The following ABLIM2 variants were observed in gnomAD, a reference collection of about 807,000 sequenced individuals.
The protein encoded by ABLIM2 is actin-binding LIM protein 2.
Under a neutral mutation model 97.7 loss-of-function variants are expected in ABLIM2, and 53 were observed. The ratio of observed to expected loss-of-function variants is 0.54; its 90% CI spans 0.44 to 0.68. The LOEUF is 0.68. Ranked by LOEUF, ABLIM2 falls within the 30% of genes least tolerant of loss-of-function variation. The probability of loss-of-function intolerance (pLI) is 0.00; values close to 1 mark genes in which losing one functional copy is unlikely to be tolerated. For missense variants in ABLIM2, 835 were observed against 867.2 expected (o/e 0.96, Z 0.47); for synonymous variants, 361 against 345.8 (o/e 1.04, Z -0.49).
chr4:8,000,126 G>A (rs1756070011), intron 16 of ABLIM2, among the ~76,000 whole-genome samples: 1 of 152,142 alleles, frequency 6.6e-6, no homozygotes, highest in Non-Finnish European at 1.5e-5. Context: ...CCCTCTCTGA[G>A]TCTTGGTGTC....
At position 8,001,423 on chromosome 4, in the gene ABLIM2, C is replaced by T. The variant is rs1578318657; in HGVS notation, c.1618+6636G>A. Among the ~76,000 whole-genome samples, 1 of 152,242 alleles carries T rather than the reference C, an allele frequency of 6.6e-6. No individual in the cohort carries two copies. On this transcript the variant is annotated intron_variant, in intron 16 of 20. Transcript: ENST00000447017. The surrounding 1 kb of genome is among the most constrained non-coding windows in gnomAD (Gnocchi z 4.2). ...CGGCTGAAGGCTAGTCCCCAGGCAA[C>T]CCAACGGCAGCGGCTGCTCCCTGGG...
intron 8 of ABLIM2, among the ~76,000 whole-genome samples, chr4:8,051,690 G>A (rs142739868): frequency 1.4e-3 from 213 of 152,288 alleles, no homozygotes; most frequent in Non-Finnish European, 2.4e-3. Flanking sequence ...ATATGCAAAT[G>A]CAGGCCACTA....
intron 20 of ABLIM2, among the ~76,000 whole-genome samples, chr4:7,978,630 C>T (rs1040387808): frequency 4.6e-5 from 7 of 152,252 alleles, no homozygotes; most frequent in African/African-American, 1.2e-4. Flanking sequence ...AGAGGGGACA[C>T]GCCCTTTGAG....
At chr4:8,020,085 G>T in intron 13 of ABLIM2, 117 bp downstream of exon 13, 1 of 879,240 alleles carries the variant, frequency 1.1e-6, no homozygotes, top group Non-Finnish European at 1.8e-6. Context: ...CAGTGGAGGA[G>T]CCTGGAGTGT....
chr4:8,016,872 G>A (rs1180895558), intron 14 of ABLIM2, among the ~76,000 whole-genome samples: 1 of 152,214 alleles, frequency 6.6e-6, no homozygotes, highest in African/African-American at 2.4e-5. Context: ...TATGTGAAAC[G>A]CTTTTGCTAA....
intron 9 of ABLIM2, among the ~76,000 whole-genome samples, chr4:8,039,296 C>G (rs1314822196): frequency 2.0e-5 from 3 of 152,212 alleles, no homozygotes; most frequent in Non-Finnish European, 4.4e-5. Context: ...TCACAGCATT[C>G]ACCTGTCCAG....
chr4:8,085,659 C>T lies in ABLIM2; in HGVS notation c.454+2510G>A, dbSNP rs1485497206. 6.6e-6 allele frequency among the ~76,000 whole-genome samples: 1 copy of T among 150,628 alleles called. No homozygotes were observed. The highest frequency in any genetic ancestry group is 2.1e-4 in the South Asian group (1 of 4,752). On this transcript the variant is annotated intron_variant, in intron 4 of 20. Coordinates refer to ENST00000447017, the MANE Select transcript of ABLIM2 (RefSeq NM_001130083.2). This position sits in a 1 kb window ranked among gnomAD's most constrained non-coding sequence, Gnocchi z 6.1. ...TCACGCAGGTCTGGGGGTGCCCACGCTGCAGCCCCGTCCACTCACGTGGGT... is the reference window on the plus strand; with the variant it reads ...TCACGCAGGTCTGGGGGTGCCCACGTTGCAGCCCCGTCCACTCACGTGGGT...
At position 8,061,144 on chromosome 4, in the gene ABLIM2, A is replaced by T. The variant is rs6853901; in HGVS notation, c.676-90T>A. ...CCCGGCATGGATACAGCATGCCCTG[A>T]GCACAGGTACTCAGGGGATACTGGA... On this transcript the variant is annotated intron_variant, in intron 6 of 20. Coordinates refer to ENST00000447017, the MANE Select transcript of ABLIM2 (RefSeq NM_001130083.2). This position sits in a 1 kb window ranked among gnomAD's most constrained non-coding sequence, Gnocchi z 4.5. 5.7e-4 allele frequency: 630 copies of T among 1,114,464 alleles called. 3 individuals are homozygous for T. The African/African-American group carries it at 8.1e-3, about 14-fold the overall frequency. The allele number at this position is 1,114,464 out of a possible 1,614,324, so 69.0% of individuals were successfully genotyped here. A position where few individuals can be genotyped will look rare whatever the true frequency, so the allele number is the denominator to read the frequency against.
In ABLIM2 at chr4:8,128,772, A is replaced by T. The variant is rs1020158379; in HGVS notation, c.11-22135T>A. Among the ~76,000 whole-genome samples the T allele has an allele frequency of 6.6e-6, 1 of 152,120 alleles. No individual in the cohort carries two copies. Among genetic ancestry groups the T allele is most frequent in the Non-Finnish European group, 1.5e-5 (1 of 68,022 alleles). On this transcript the variant is annotated intron_variant, in intron 1 of 20. Coordinates refer to ENST00000447017, the MANE Select transcript of ABLIM2 (RefSeq NM_001130083.2). This position sits in a 1 kb window ranked among gnomAD's most constrained non-coding sequence, Gnocchi z 4.9. The stretch of plus-strand genomic sequence containing the variant: ...GGGAGGAATTAGGTCTTGCAGGTGG[A>T]GCCCTCATCATGGGATGAGTGCCCT...
Position 8,003,597 on chromosome 4 carries a change from G to A in ABLIM2, c.1618+4462C>T, listed in dbSNP as rs576682857. On this transcript the variant is annotated intron_variant, in intron 16 of 20. Transcript: ENST00000447017. The surrounding 1 kb of genome is among the most constrained non-coding windows in gnomAD (Gnocchi z 4.2). ...TTTTTTTTTTTGGAGATGGAGTCTC[G>A]CTCTGTCGCCCAGGCTGGAGTGCAA... 9.5e-5 allele frequency among the ~76,000 whole-genome samples: 13 copies of A among 136,488 alleles called. No individual in the cohort carries two copies. The highest frequency in any genetic ancestry group is 4.6e-4 in the South Asian group (2 of 4,350). 89.5% of individuals were successfully genotyped at this position (136,488 alleles called of 152,430 possible). A position where few individuals can be genotyped will look rare whatever the true frequency, so the allele number is the denominator to read the frequency against.
At chr4:7,974,066 C>T (rs1327682201) in intron 20 of ABLIM2, among the ~76,000 whole-genome samples, 1 of 152,210 alleles carries the variant, frequency 6.6e-6, no homozygotes, top group Admixed American at 6.5e-5. Flanking sequence ...GAGTCCCCGG[C>T]TTGCTGGCTT....
chr4:8,131,519 G>A (rs778851477), intron 1 of ABLIM2, among the ~76,000 whole-genome samples: 7 of 152,194 alleles, frequency 4.6e-5, no homozygotes, highest in Non-Finnish European at 7.3e-5. Flanking sequence ...GTTTCTGCAT[G>A]CGGAGGGCAG....
chr4:8,017,450 CT>C lies in ABLIM2; in HGVS notation c.1423+2167del, dbSNP rs1770242323. On this transcript the variant is annotated intron_variant, in intron 14 of 20. Transcript: ENST00000447017. Reference sequence around the variant, plus strand: ...TACAGGTGCACATTGCCACACCTGGCTATTTTTTTTGTATTTTAGTAGAGAT... The same window carrying C: ...TACAGGTGCACATTGCCACACCTGGCATTTTTTTTGTATTTTAGTAGAGAT... 3.9e-5 allele frequency among the ~76,000 whole-genome samples: 6 copies of C among 152,032 alleles called. No individual in the cohort carries two copies. The South Asian group carries it at 1.2e-3, about 32-fold the overall frequency.
chr4:8,001,798 A>G lies in ABLIM2; in HGVS notation c.1618+6261T>C, dbSNP rs1229524333. 3.3e-5 allele frequency among the ~76,000 whole-genome samples: 5 copies of G among 150,464 alleles called. No individual in the cohort carries two copies. The highest frequency in any genetic ancestry group is 5.9e-5 in the Non-Finnish European group (4 of 67,518). Reference sequence around the variant, plus strand: ...AGCCCTGCTGGCTGCCCCCTTCCCCACTTCCCTGGCCCACTTCCTCTCCTG... The same window carrying G: ...AGCCCTGCTGGCTGCCCCCTTCCCCGCTTCCCTGGCCCACTTCCTCTCCTG... On this transcript the variant is annotated intron_variant, in intron 16 of 20. Transcript: ENST00000447017. This position sits in a 1 kb window ranked among gnomAD's most constrained non-coding sequence, Gnocchi z 4.2.
At chr4:8,036,615 C>T (rs1784629424) in intron 9 of ABLIM2, among the ~76,000 whole-genome samples, 1 of 152,150 alleles carries the variant, frequency 6.6e-6, no homozygotes, top group East Asian at 1.9e-4. Context: ...AGGCTTGGGT[C>T]CTGAGGCCCA....
rs1340045492 is a variant in ABLIM2 at position 8,054,181 on chromosome 4, C to T, written c.822+7G>A. The stretch of plus-strand genomic sequence containing the variant: ...GTACATCAGAGACACCAGTGAATGC[C>T]ACCAACCTTGTTTCTGTCTTCAGTT... On this transcript the variant is annotated splice_region_variant and intron_variant, in intron 8 of 20. Coordinates refer to ENST00000447017, the MANE Select transcript of ABLIM2 (RefSeq NM_001130083.2). The surrounding 1 kb of genome is among the most constrained non-coding windows in gnomAD (Gnocchi z 4.9). 19 of 1,614,036 alleles carry T rather than the reference C, an allele frequency of 1.2e-5. No individual in the cohort carries two copies. Among genetic ancestry groups the T allele is most frequent in the Admixed American group, 1.7e-5 (1 of 60,024 alleles).
At chr4:8,139,613 G>A (rs916875346) in intron 1 of ABLIM2, among the ~76,000 whole-genome samples, 3 of 152,194 alleles carry the variant, frequency 2.0e-5, no homozygotes, top group Non-Finnish European at 4.4e-5. Flanking sequence ...AAATGCTTGC[G>A]AGGCTGTGGA....
intron 9 of ABLIM2, among the ~76,000 whole-genome samples, chr4:8,037,436 C>A (rs577524378): frequency 2.0e-5 from 3 of 151,996 alleles, no homozygotes; most frequent in Non-Finnish European, 2.9e-5. Context: ...GAGGTATAGA[C>A]CCCCCTCACA....
In ABLIM2 at chr4:8,002,327, C is replaced by A. The variant is rs1246630532; in HGVS notation, c.1618+5732G>T. Reference sequence around the variant, plus strand: ...GCCTGCACCAGAGCCAACCCAGTGTCTTCTTTGATTCCGTCACCCCCGCAG... The same window carrying A: ...GCCTGCACCAGAGCCAACCCAGTGTATTCTTTGATTCCGTCACCCCCGCAG... On this transcript the variant is annotated intron_variant, in intron 16 of 20. Coordinates refer to ENST00000447017, the MANE Select transcript of ABLIM2 (RefSeq NM_001130083.2). This position sits in a 1 kb window ranked among gnomAD's most constrained non-coding sequence, Gnocchi z 6.1. 3.3e-5 allele frequency among the ~76,000 whole-genome samples: 5 copies of A among 152,216 alleles called. No individual in the cohort carries two copies. Among genetic ancestry groups the A allele is most frequent in the African/African-American group, 1.2e-4 (5 of 41,468 alleles).
Sources: allele counts gnomAD v4.1 joint callset (sites outside exome capture counted in the v4.1 genomes callset), GRCh38; gene constraint gnomAD v4.1.1; non-coding constraint Gnocchi (gnomAD v3.1); transcripts MANE v1.5; gene names NCBI Gene and HGNC (gene_info 2026-07-23, HGNC 2026-07-21).